The following RABGAP1L variants were observed in gnomAD, a reference collection of about 807,000 sequenced individuals.
RABGAP1L encodes the protein RAB GTPase activating protein 1 like.
Under a neutral mutation model 137.7 loss-of-function variants are expected in RABGAP1L, and 63 were observed. The observed-to-expected ratio is 0.46, with a 90% confidence interval of 0.37 to 0.56. RABGAP1L has a LOEUF of 0.56. Among genes scored for constraint, RABGAP1L ranks in the 20% least tolerant of loss-of-function variants. The probability of loss-of-function intolerance (pLI) is 0.00; values close to 1 mark genes in which losing one functional copy is unlikely to be tolerated. For synonymous variants in RABGAP1L, 431 were observed against 433.7 expected (o/e 0.99, Z 0.08); for missense variants, 1,095 against 1,244.0 (o/e 0.88, Z 1.80).
intron 12 of RABGAP1L, among the ~76,000 whole-genome samples, chr1:174,385,992 T>C (rs1318843937): frequency 6.6e-6 from 1 of 151,670 alleles, no homozygotes; most frequent in African/African-American, 2.4e-5. Context: ...CATGTTTGTA[T>C]GTTGTTAGAA....
intron 14 of RABGAP1L, among the ~76,000 whole-genome samples, chr1:174,661,896 G>GT (rs1676399247): frequency 1.3e-5 from 2 of 152,088 alleles, no homozygotes; most frequent in Non-Finnish European, 2.9e-5. Context: ...GTGCTGCCAG[G>GT]TGTATAAAGG....
intron 19 of RABGAP1L, among the ~76,000 whole-genome samples, chr1:174,825,957 C>T (rs953229050): frequency 2.6e-5 from 4 of 152,048 alleles, no homozygotes; most frequent in South Asian, 2.1e-4. Flanking sequence ...GAATATATTG[C>T]GAGATGCTGA....
chr1:174,361,248 A>G (rs1043450011), intron 11 of RABGAP1L, among the ~76,000 whole-genome samples: 3 of 148,966 alleles, frequency 2.0e-5, no homozygotes. Context: ...TTTGCTCAGA[A>G]TGGCTTTGAC....
At chr1:174,869,676 G>C (rs1308336787) in intron 19 of RABGAP1L, among the ~76,000 whole-genome samples, 1 of 152,064 alleles carries the variant, frequency 6.6e-6, no homozygotes, top group Non-Finnish European at 1.5e-5. Context: ...GAATGTTTGT[G>C]TCCCCCCAAA....
At chr1:174,409,339 T>C (rs917877753) in intron 13 of RABGAP1L, among the ~76,000 whole-genome samples, 4 of 152,206 alleles carry the variant, frequency 2.6e-5, no homozygotes, top group African/African-American at 9.6e-5. Flanking sequence ...ATAATACTCT[T>C]ATAATTTCTT....
At chr1:174,263,962 T>A (rs1051040388) in intron 7 of RABGAP1L, among the ~76,000 whole-genome samples, 1 of 152,130 alleles carries the variant, frequency 6.6e-6, no homozygotes, top group Non-Finnish European at 1.5e-5. Context: ...ATTGTTTAGT[T>A]ACTAATATTT....
intron 19 of RABGAP1L, among the ~76,000 whole-genome samples, chr1:174,877,943 A>T (rs1653423680): frequency 6.6e-6 from 1 of 152,214 alleles, no homozygotes; most frequent in Non-Finnish European, 1.5e-5. Context: ...TAACGTTTCT[A>T]CCAGTGAGTA....
intron 20 of RABGAP1L, among the ~76,000 whole-genome samples, chr1:174,967,118 T>C (rs1285497373): frequency 6.6e-6 from 1 of 151,748 alleles, no homozygotes; most frequent in Non-Finnish European, 1.5e-5. Flanking sequence ...TTTTCCCCCC[T>C]ACAAGGAAGG....
intron 21 of RABGAP1L, among the ~76,000 whole-genome samples, chr1:174,974,574 A>T (rs1670481636): frequency 6.6e-6 from 1 of 152,174 alleles, no homozygotes; most frequent in African/African-American, 2.4e-5. Flanking sequence ...TTTAGTTGTT[A>T]ATTTGCTGTT....
In RABGAP1L at chr1:174,608,290, A is replaced by T. The variant is rs191893954; in HGVS notation, c.1711-29085A>T. 9.9e-4 allele frequency among the ~76,000 whole-genome samples: 151 copies of T among 152,224 alleles called. 1 individual carries two copies. Among genetic ancestry groups the T allele is most frequent in the African/African-American group, 3.5e-3 (147 of 41,516 alleles). The stretch of plus-strand genomic sequence containing the variant: ...GATCGTTTATAATAATAATTATTCA[A>T]CAAATATTTGTTCAGCCCCTACTAC... On this transcript the variant is annotated intron_variant, in intron 13 of 25. Transcript: ENST00000681986.
chr1:174,841,527 GA>G (rs1194501474), intron 19 of RABGAP1L, among the ~76,000 whole-genome samples: 2 of 151,762 alleles, frequency 1.3e-5, no homozygotes, highest in African/African-American at 4.8e-5. Context: ...CTCAAAGTTA[GA>G]AAAATTATCA....
At chr1:174,639,613 T>C (rs1296079586) in intron 14 of RABGAP1L, among the ~76,000 whole-genome samples, 1 of 152,102 alleles carries the variant, frequency 6.6e-6, no homozygotes, top group Non-Finnish European at 1.5e-5. Context: ...TTTCTCTGAT[T>C]GATACTAGAT....
chr1:174,247,823 T>G (rs1672389260), intron 5 of RABGAP1L, among the ~76,000 whole-genome samples: 1 of 152,180 alleles, frequency 6.6e-6, no homozygotes, highest in South Asian at 2.1e-4. Context: ...CTGGTTAGTA[T>G]GCATGGCAGG....
rs184882996 is a variant in RABGAP1L, at chr1:174,726,676, C to T, written c.2169+24420C>T. 2.8e-3 allele frequency among the ~76,000 whole-genome samples: 426 copies of T among 152,150 alleles called. 1 individual carries two copies. Among genetic ancestry groups the T allele is most frequent in the African/African-American group, 9.8e-3 (406 of 41,526 alleles). The stretch of plus-strand genomic sequence containing the variant: ...AATTTTGTTAGCTTGATTTTTCTGA[C>T]TTTTTGTCATTCCTTCTCTTATGTA... On this transcript the variant is annotated intron_variant, in intron 17 of 25. Coordinates refer to ENST00000681986, the MANE Select transcript of RABGAP1L (RefSeq NM_001366446.1).
At chr1:174,216,075 A>T (rs1014173393) in intron 1 of RABGAP1L, among the ~76,000 whole-genome samples, 2 of 152,200 alleles carry the variant, frequency 1.3e-5, no homozygotes, top group African/African-American at 2.4e-5. Context: ...CTTATTTCTG[A>T]TTGCTAAAAA....
chr1:174,522,836 T>C (rs1250490084), intron 13 of RABGAP1L, among the ~76,000 whole-genome samples: 1 of 152,186 alleles, frequency 6.6e-6, no homozygotes, highest in African/African-American at 2.4e-5. Context: ...TTATGAGAAC[T>C]CACTATTGTG....
intron 19 of RABGAP1L, among the ~76,000 whole-genome samples, chr1:174,817,853 A>G (rs930986019): frequency 3.9e-5 from 6 of 152,214 alleles, no homozygotes; most frequent in Non-Finnish European, 8.8e-5. Flanking sequence ...CATTCAAGAC[A>G]TAAAATTAAC....
chr1:174,548,241 T>C, intron 13 of RABGAP1L: 1 of 1,403,912 alleles, frequency 7.1e-7, no homozygotes, highest in Non-Finnish European at 9.2e-7. Context: ...TGAAGCCAAG[T>C]AATCTAAGAT....
At chr1:174,616,081 C>T (rs1212966127) in intron 13 of RABGAP1L, among the ~76,000 whole-genome samples, 5 of 152,236 alleles carry the variant, frequency 3.3e-5, no homozygotes, top group African/African-American at 9.6e-5. Flanking sequence ...GTGCGCTGCA[C>T]CCACTGTCCT....
Sources: allele counts gnomAD v4.1 joint callset (sites outside exome capture counted in the v4.1 genomes callset), GRCh38; gene constraint gnomAD v4.1.1; transcripts MANE v1.5; gene names NCBI Gene and HGNC (gene_info 2026-07-23, HGNC 2026-07-21).